The following KREMEN1 variants were observed in gnomAD, a reference collection of about 807,000 sequenced individuals.
KREMEN1 encodes the protein kringle containing transmembrane protein 1.
KREMEN1 carries 30 observed loss-of-function variants against 46.5 expected under a neutral mutation model. The observed-to-expected ratio is 0.65, with a 90% CI of 0.48 to 0.88. The LOEUF is 0.88. Ranked by LOEUF, KREMEN1 falls within the 40% of genes least tolerant of loss-of-function variation. KREMEN1 has a pLI of 0.00. For missense variants in KREMEN1, 533 were observed against 596.9 expected, an observed-to-expected ratio of 0.89 and a Z score of 1.11; for synonymous variants, 214 against 230.6, an observed-to-expected ratio of 0.93 and a Z score of 0.65.
At position 29,138,802 on chromosome 22, in the gene KREMEN1, A is replaced by G; in HGVS notation, c.1123+20A>G. On this transcript the variant is annotated intron_variant, in intron 7 of 8. Transcript: ENST00000400335. The stretch of plus-strand genomic sequence containing the variant: ...TCCCAGGTAGCAATTCCTGGGCGCC[A>G]CCCATGGGGGCTGGAAGCCACAGAG... The G allele has an allele frequency of 6.2e-7, 1 of 1,614,174 alleles. No homozygotes were observed. Among genetic ancestry groups the G allele is most frequent in the Non-Finnish European group, 8.5e-7 (1 of 1,180,024 alleles).
chr22:29,126,393 C>T (rs575356466), intron 5 of KREMEN1, among the ~76,000 whole-genome samples: 1 of 152,266 alleles, frequency 6.6e-6, no homozygotes, highest in South Asian at 2.1e-4. Flanking sequence ...CCAAAGTCTC[C>T]AGGGAAGCCC....
chr22:29,108,263 G>T (rs1421717260), intron 3 of KREMEN1, among the ~76,000 whole-genome samples: 5 of 152,226 alleles, frequency 3.3e-5, no homozygotes, highest in African/African-American at 1.2e-4. Flanking sequence ...CTTTAGTCTG[G>T]GCGATGAGAG....
intron 5 of KREMEN1, among the ~76,000 whole-genome samples, chr22:29,127,800 A>T (rs1037069671): frequency 1.3e-5 from 2 of 152,236 alleles, no homozygotes; most frequent in African/African-American, 4.8e-5. Flanking sequence ...TCCTAGCAAC[A>T]TTATTCATAA....
At chr22:29,150,191 C>T (rs544041941), downstream of KREMEN1, among the ~76,000 whole-genome samples, 1 of 150,782 alleles carries the variant, frequency 6.6e-6, no homozygotes, top group Admixed American at 6.7e-5. Context: ...CACCAGGCCT[C>T]CCCTGAATGG....
At chr22:29,105,509 A>ACACACACACACACT (rs2038046743) in intron 3 of KREMEN1, among the ~76,000 whole-genome samples, 1 of 150,174 alleles carries the variant, frequency 6.7e-6, no homozygotes, top group Non-Finnish European at 1.5e-5. Flanking sequence ...ACACACACAC[A>ACACACACACACACT]CACTCTGATG....
intron 3 of KREMEN1, among the ~76,000 whole-genome samples, chr22:29,108,206 G>C (rs2038091074): frequency 6.6e-6 from 1 of 152,248 alleles, no homozygotes; most frequent in South Asian, 2.1e-4. Flanking sequence ...AGAATCGCTT[G>C]AACCCAGGAG....
intron 9 of KREMEN1, among the ~76,000 whole-genome samples, chr22:29,158,432 C>T (rs35183787): frequency 3.3e-5 from 5 of 152,036 alleles, no homozygotes; most frequent in Non-Finnish European, 7.4e-5. Flanking sequence ...AGCGGAGAGG[C>T]GCCGACATGG....
chr22:29,128,891 G>A (rs574426262), intron 5 of KREMEN1, among the ~76,000 whole-genome samples: 1 of 152,288 alleles, frequency 6.6e-6, no homozygotes, highest in Admixed American at 6.5e-5. Flanking sequence ...ATTAACAATA[G>A]TAAAAATAGA....
In KREMEN1 at chr22:29,094,310, A is replaced by C; in HGVS notation, c.150A>C (p.Ala50=). ...ATAGGGGAACACAGAACTGGACAGC[A>C]CTACAAGGCGGGAAGCCATGTCTGT... ...ADYRGTQNWT[A]LQGGKPCLFW... The change falls in exon 2 of 9, where the codon GCA becomes GCC. Residue 50 remains alanine (A), a synonymous_variant. Coordinates refer to ENST00000400335, the MANE Select transcript of KREMEN1 (RefSeq NM_001039570.3). 5 of 1,613,904 alleles carry C rather than the reference A, an allele frequency of 3.1e-6. No homozygotes were observed. Among genetic ancestry groups the C allele is most frequent in the Non-Finnish European group, 4.2e-6 (5 of 1,179,786 alleles).
At chr22:29,140,255 G>T in intron 7 of KREMEN1, 27 bp from the exon 8 acceptor site, 1 of 1,592,772 alleles carries the variant, frequency 6.3e-7, no homozygotes, top group South Asian at 1.1e-5. Flanking sequence ...AAACAAGTCT[G>T]GTAAGCTCTG....
chr22:29,160,433 G>A (rs867996314), intron 9 of KREMEN1, among the ~76,000 whole-genome samples: 21 of 151,362 alleles, frequency 1.4e-4, no homozygotes, highest in African/African-American at 4.1e-4. Context: ...CCAGCTACTC[G>A]GGAGGCTGAG....
intron 2 of KREMEN1, among the ~76,000 whole-genome samples, chr22:29,096,789 A>T (rs2145767508): frequency 6.6e-6 from 1 of 152,368 alleles, no homozygotes; most frequent in East Asian, 1.9e-4. Context: ...AAATAAATAC[A>T]TCAAAGCTGA....
intron 5 of KREMEN1, among the ~76,000 whole-genome samples, chr22:29,127,350 G>T (rs934671652): frequency 6.6e-6 from 1 of 152,194 alleles, no homozygotes; most frequent in African/African-American, 2.4e-5. Context: ...ATAGAATGCA[G>T]TGTCAATTAA....
chr22:29,157,129 T>C (rs2038969360), intron 9 of KREMEN1, among the ~76,000 whole-genome samples: 1 of 7,230 alleles, frequency 1.4e-4, no homozygotes, highest in Admixed American at 2.1e-3. Context: ...TTCAGGCTTC[T>C]ACAAACTATG....
chr22:29,148,295 G>A (rs1029529903), downstream of KREMEN1, among the ~76,000 whole-genome samples: 31 of 152,128 alleles, frequency 2.0e-4, no homozygotes, highest in Non-Finnish European at 1.2e-4. Flanking sequence ...GGCATCCTCA[G>A]GGTGAGTGTT....
At chr22:29,121,301 C>T (rs2038352271) in intron 3 of KREMEN1, 56 bp from the exon 4 acceptor site, 2 of 1,602,144 alleles carry the variant, frequency 1.2e-6, no homozygotes, top group African/African-American at 2.7e-5. Flanking sequence ...GCTTTTCCTT[C>T]TTGGTGTTTC....
chr22:29,167,199 G>T, exon 10 of KREMEN1: 1 of 1,061,418 alleles, frequency 9.4e-7, no homozygotes, highest in South Asian at 1.4e-5. Flanking sequence ...CACAGAAATG[G>T]TGGGCTCTCT....
At chr22:29,155,979 G>T (rs1266567190) in intron 9 of KREMEN1, among the ~76,000 whole-genome samples, 3 of 151,064 alleles carry the variant, frequency 2.0e-5, no homozygotes, top group African/African-American at 7.3e-5. Context: ...AAAAAATTTG[G>T]AAAGCACACA....
intron 5 of KREMEN1, among the ~76,000 whole-genome samples, chr22:29,133,032 A>C (rs1260490863): frequency 6.6e-6 from 1 of 152,024 alleles, no homozygotes; most frequent in African/African-American, 2.4e-5. Flanking sequence ...GTGGATCACG[A>C]GGTCAGGAGA....
Sources: allele counts gnomAD v4.1 joint callset (sites outside exome capture counted in the v4.1 genomes callset), GRCh38; gene constraint gnomAD v4.1.1; transcripts MANE v1.5; gene names NCBI Gene and HGNC (gene_info 2026-07-23, HGNC 2026-07-21).